Variants in IFNLR1 observed in about 807,000 individuals in gnomAD.
IFNLR1 encodes interferon lambda receptor 1.
A neutral mutation model predicts 52.5 loss-of-function variants in IFNLR1; 28 were observed. The observed-to-expected ratio is 0.53, with a 90% confidence interval of 0.40 to 0.73. The LOEUF (loss-of-function observed/expected upper bound fraction) is 0.73. Ranked by LOEUF, IFNLR1 falls within the 30% of genes least tolerant of loss-of-function variation. IFNLR1 has a pLI of 0.00. For missense variants in IFNLR1, 623 were observed against 659.1 expected, an observed-to-expected ratio of 0.95 and a Z score of 0.60; for synonymous variants, 276 against 274.9, an observed-to-expected ratio of 1.00 and a Z score of -0.04.
At chr1:24,187,157 C>A in intron 1 of IFNLR1, 34 bp downstream of exon 1, 1 of 1,343,272 alleles carries the variant, frequency 7.4e-7, no homozygotes, top group Non-Finnish European at 9.7e-7. Flanking sequence ...GGGGAGCCCT[C>A]TTCCCCCTCC....
chr1:24,161,227 A>G (rs1644439906), intron 4 of IFNLR1, among the ~76,000 whole-genome samples: 1 of 152,202 alleles, frequency 6.6e-6, no homozygotes, highest in African/African-American at 2.4e-5. Context: ...ACATGCATAC[A>G]CAGAAAACAA....
Position 24,187,173 on chromosome 1 carries a change from G to T in IFNLR1, c.58+18C>A. 1 of 1,358,172 alleles carries T rather than the reference G, an allele frequency of 7.4e-7. No individual in the cohort carries two copies. The highest frequency in any genetic ancestry group is 9.5e-7 in the Non-Finnish European group (1 of 1,050,566). The allele number at this position is 1,358,172 out of a possible 1,614,324, so 84.1% of individuals were successfully genotyped here. On this transcript the variant is annotated intron_variant, in intron 1 of 6. Coordinates refer to ENST00000327535, the MANE Select transcript of IFNLR1 (RefSeq NM_170743.4). ...GGGAGCCCTCTTCCCCCTCCCTCCC[G>T]CGGCCCCGCGCCCTTACCTGGAGCG...
intron 2 of IFNLR1, among the ~76,000 whole-genome samples, chr1:24,175,290 C>A (rs1424969857): frequency 2.0e-5 from 3 of 152,236 alleles, no homozygotes; most frequent in African/African-American, 7.2e-5. Flanking sequence ...AGGGTCACCA[C>A]CCAGGGCAAA....
Position 24,157,792 on chromosome 1 carries a change from C to T in IFNLR1, c.901G>A (p.Gly301Arg). 1 of 1,614,200 alleles carries T rather than the reference C, an allele frequency of 6.2e-7. No homozygotes were observed. Among genetic ancestry groups the T allele is most frequent in the South Asian group, 1.1e-5 (1 of 91,084 alleles). Residue 301 changes from glycine to arginine, a missense_variant, in exon 7 of 7, where the codon GGG (glycine) becomes AGG (arginine). Physicochemically the swap from Gly to Arg is moderately radical, Grantham distance 125 (BLOSUM62 -2). Transcript: ENST00000327535. The surrounding 1 kb of genome is among the most constrained non-coding windows in gnomAD (Gnocchi z 5.1). ...FLCPQKELTR[G>R]VRPTPRVRAP... The stretch of plus-strand genomic sequence containing the variant: ...CTGACTCGAGGCGTCGGCCTGACCC[C>T]TCTGGTCAGTTCCTTTTGGGGACAG...
At chr1:24,187,163 C>T (rs1281802132) in intron 1 of IFNLR1, 28 bp downstream of exon 1, 2 of 1,357,038 alleles carry the variant, frequency 1.5e-6, no homozygotes, top group Non-Finnish European at 1.9e-6. Context: ...CCCTCTTCCC[C>T]CTCCCTCCCG....
intron 3 of IFNLR1, among the ~76,000 whole-genome samples, chr1:24,162,059 C>T (rs772140279): frequency 5.9e-5 from 9 of 152,114 alleles, no homozygotes; most frequent in South Asian, 2.1e-4. Context: ...ACACACAGTG[C>T]CTTAAAAATG....
chr1:24,172,637 A>T (rs1042515497), intron 2 of IFNLR1, among the ~76,000 whole-genome samples: 1 of 152,244 alleles, frequency 6.6e-6, no homozygotes, highest in Admixed American at 6.5e-5. Flanking sequence ...GAAAGCATAG[A>T]AGAAAAATCT....
rs562966515 is a variant in IFNLR1, at chr1:24,166,701, C to T, written c.367+2716G>A. ...AGCTGGGACCACAGGTGCCCACCAC[C>T]GTACCCAGCGAATTTAATTTTTTTT... On this transcript the variant is annotated intron_variant, in intron 3 of 6. Transcript: ENST00000327535. Among the ~76,000 whole-genome samples the T allele has an allele frequency of 9.3e-5, 14 of 151,264 alleles. No individual in the cohort carries two copies. The East Asian group carries it at 1.8e-3, about 19-fold the overall frequency.
chr1:24,177,854 C>CT (rs988714782), intron 2 of IFNLR1, among the ~76,000 whole-genome samples: 4 of 152,238 alleles, frequency 2.6e-5, no homozygotes, highest in Admixed American at 6.5e-5. Context: ...ATCATGTCCC[C>CT]TGTCCTTGAG....
At chr1:24,168,200 T>A (rs1315095991) in intron 3 of IFNLR1, among the ~76,000 whole-genome samples, 5 of 152,000 alleles carry the variant, frequency 3.3e-5, no homozygotes, top group African/African-American at 4.8e-5. Context: ...TTCTTACCCA[T>A]CTGTCCTTCC....
chr1:24,159,752 T>C lies in IFNLR1; in HGVS notation c.511-119A>G, dbSNP rs1267212868. On this transcript the variant is annotated intron_variant, in intron 4 of 6. Transcript: ENST00000327535. ...TTTTTTTTTTGTTTTTTTTTTTTGTTTTTTTGTAGGGGATAGGGTTTGGTT... is the reference window on the plus strand; with the variant it reads ...TTTTTTTTTTGTTTTTTTTTTTTGTCTTTTTGTAGGGGATAGGGTTTGGTT... The C allele has an allele frequency of 1.8e-5, 16 of 870,106 alleles. No homozygotes were observed. In the African/African-American group the frequency reaches 2.1e-4, roughly 11 times the overall value. 53.9% of individuals were successfully genotyped at this position (870,106 alleles called of 1,614,324 possible). A position where few individuals can be genotyped will look rare whatever the true frequency, so the allele number is the denominator to read the frequency against.
At chr1:24,179,659 T>C (rs1644668966) in intron 2 of IFNLR1, among the ~76,000 whole-genome samples, 1 of 152,136 alleles carries the variant, frequency 6.6e-6, no homozygotes, top group African/African-American at 2.4e-5. Flanking sequence ...CACAGCACCC[T>C]CTGAGCTCAA....
chr1:24,159,371 A>G, intron 5 of IFNLR1, 103 bp downstream of exon 5: 2 of 1,314,664 alleles, frequency 1.5e-6, no homozygotes, highest in South Asian at 1.3e-5. Flanking sequence ...TGTGGTTTTA[A>G]TCCAGGCGAG....
chr1:24,187,147 G>C (rs1392773283), intron 1 of IFNLR1, 44 bp downstream of exon 1: 3 of 1,277,980 alleles, frequency 2.3e-6, no homozygotes, highest in South Asian at 1.6e-5. Flanking sequence ...GGCCCGGCCC[G>C]GGGAGCCCTC....
Position 24,155,124 on chromosome 1 carries a change from G to A in IFNLR1, c.*2006C>T, listed in dbSNP as rs1644365958. 1 of 152,266 alleles carries A rather than the reference G, an allele frequency of 6.6e-6. No individual in the cohort carries two copies. Among genetic ancestry groups the A allele is most frequent in the Non-Finnish European group, 1.5e-5 (1 of 68,138 alleles). The allele number at this position is 152,266 out of a possible 1,614,324, so 9.4% of individuals were successfully genotyped here. On this transcript the variant is annotated 3_prime_UTR_variant, in exon 7 of 7. Transcript: ENST00000327535. ...CCCTCCCCAGCTCCGTAGTTTGTTTGTTCTTCCTCTCCTGGGCTCAATCAT... is the reference window on the plus strand; with the variant it reads ...CCCTCCCCAGCTCCGTAGTTTGTTTATTCTTCCTCTCCTGGGCTCAATCAT...
intron 3 of IFNLR1, among the ~76,000 whole-genome samples, chr1:24,168,757 A>AT (rs1417418926): frequency 2.0e-5 from 3 of 151,316 alleles, no homozygotes; most frequent in Admixed American, 6.6e-5. Context: ...TTGTTTATTA[A>AT]TTTTTTTCTT....
chr1:24,168,933 G>C (rs1291222643), intron 3 of IFNLR1, among the ~76,000 whole-genome samples: 1 of 152,006 alleles, frequency 6.6e-6, no homozygotes, highest in South Asian at 2.1e-4. Flanking sequence ...TAGTAAAGAC[G>C]GGGTTTTGCC....
chr1:24,163,523 T>A (rs1179315923), intron 3 of IFNLR1, among the ~76,000 whole-genome samples: 2 of 151,940 alleles, frequency 1.3e-5, no homozygotes, highest in South Asian at 2.1e-4. Flanking sequence ...CTTTAGAGGA[T>A]CATTCTGCCT....
chr1:24,162,662 G>GT (rs1405568034), intron 3 of IFNLR1, among the ~76,000 whole-genome samples: 4 of 152,162 alleles, frequency 2.6e-5, no homozygotes, highest in African/African-American at 9.7e-5. Flanking sequence ...GCAAGAGAGG[G>GT]TGAGAGTAAG....
Sources: gnomAD v4.1 joint callset for allele counts (sites outside exome capture counted in the v4.1 genomes callset) on GRCh38, gnomAD v4.1.1 for gene constraint, Gnocchi (gnomAD v3.1) non-coding constraint, MANE v1.5 for transcripts, NCBI Gene and HGNC (gene_info 2026-07-23, HGNC 2026-07-21) for gene names.